Variants in FAF1 observed in about 807,000 individuals in gnomAD.
The protein encoded by FAF1 is Fas associated factor 1, also known as FAS-associated factor 1.
FAF1 carries 25 observed loss-of-function variants against 92.5 expected under a neutral mutation model. That is an observed-to-expected ratio of 0.27 (90% confidence interval 0.20 to 0.38). The LOEUF is 0.38. Among genes scored for constraint, FAF1 ranks in the 10% least tolerant of loss-of-function variants. FAF1 has a pLI of 1.00. For synonymous variants in FAF1, 234 were observed against 273.2 expected (o/e 0.86, Z 1.42); for missense variants, 636 against 793.3 (o/e 0.80, Z 2.38).
intron 8 of FAF1, among the ~76,000 whole-genome samples, chr1:50,628,223 T>C (rs1357350562): frequency 6.6e-6 from 1 of 152,198 alleles, no homozygotes; most frequent in Non-Finnish European, 1.5e-5. Context: ...TAGATATTAT[T>C]GATAACATAT....
Position 50,960,203 on chromosome 1 carries a change from G to A in FAF1, c.-392C>T, listed in dbSNP as rs555748926. The A allele has an allele frequency of 3.5e-4, 113 of 324,956 alleles. No homozygotes were observed. The highest frequency in any genetic ancestry group is 2.2e-3 in the African/African-American group (101 of 45,790). The allele number at this position is 324,956 out of a possible 1,614,324, so 20.1% of individuals were successfully genotyped here. On this transcript the variant is annotated 5_prime_UTR_variant, in exon 1 of 19. Coordinates refer to ENST00000396153, the MANE Select transcript of FAF1 (RefSeq NM_007051.3). ...GGGAAACCGAGCGAGCGAGCGGGCG[G>A]GCGAACGCCGCGGCCGCCTCCGCCT...
chr1:50,895,123 A>T (rs1002094983), intron 1 of FAF1, among the ~76,000 whole-genome samples: 1 of 152,156 alleles, frequency 6.6e-6, no homozygotes, highest in Non-Finnish European at 1.5e-5. Context: ...AAAAAAATTG[A>T]CAAATCTTTA....
intron 15 of FAF1, among the ~76,000 whole-genome samples, chr1:50,504,867 G>A (rs1409119736): frequency 6.6e-6 from 1 of 152,134 alleles, no homozygotes; most frequent in African/African-American, 2.4e-5. Flanking sequence ...AAGCAGTATT[G>A]AAATCAATTT....
At chr1:50,620,657 ATTCT>A (rs1475822844) in intron 8 of FAF1, among the ~76,000 whole-genome samples, 2 of 152,176 alleles carry the variant, frequency 1.3e-5, no homozygotes, top group Non-Finnish European at 2.9e-5. Flanking sequence ...TCTTGTGTTG[ATTCT>A]TTATGTGTGG....
chr1:50,614,671 CT>C (rs1652826450), intron 8 of FAF1, among the ~76,000 whole-genome samples: 3 of 152,060 alleles, frequency 2.0e-5, no homozygotes, highest in Admixed American at 2.0e-4. Context: ...GAAACCCCAT[CT>C]CTACTAAAAA....
chr1:50,459,068 C>A (rs1292516672), intron 18 of FAF1, among the ~76,000 whole-genome samples: 2 of 151,870 alleles, frequency 1.3e-5, no homozygotes, highest in African/African-American at 4.8e-5. Flanking sequence ...ACCTTCCAGG[C>A]TCAAGTGTTC....
At chr1:50,743,290 C>G (rs1408876754) in intron 5 of FAF1, among the ~76,000 whole-genome samples, 2 of 152,128 alleles carry the variant, frequency 1.3e-5, no homozygotes, top group African/African-American at 4.8e-5. Flanking sequence ...CGAAGAAGAA[C>G]TGAACCAAAA....
rs1284803545 is a variant in FAF1, at chr1:50,539,694, C to G, written c.1303G>C (p.Val435Leu). ...LTMCNRHFGS[V>L]VAQTIRTQKT... is the part of the protein sequence containing the mutation. ...TGAGTCCGAATGGTTTGTGCCACAA[C>G]ACTGCCAAAGTGTCTATTGCACATA... The change falls in exon 14 of 19, where the codon GTT (valine) becomes CTT (leucine). Residue 435 changes from valine (V) to leucine (L), a missense_variant. By Grantham distance (32) the Val-to-Leu change is conservative (BLOSUM62 1). Transcript: ENST00000396153. The G allele has an allele frequency of 1.2e-6, 2 of 1,612,508 alleles. No individual in the cohort carries two copies. Among genetic ancestry groups the G allele is most frequent in the African/African-American group, 2.7e-5 (2 of 74,900 alleles).
intron 18 of FAF1, among the ~76,000 whole-genome samples, chr1:50,467,456 G>A (rs1460222291): frequency 6.6e-6 from 1 of 152,122 alleles, no homozygotes; most frequent in Non-Finnish European, 1.5e-5. Flanking sequence ...TGGGACCACA[G>A]GCATGTGCCA....
chr1:50,788,306 A>G (rs899737284), intron 3 of FAF1, 101 bp from the exon 4 acceptor site: 4 of 976,216 alleles, frequency 4.1e-6, no homozygotes, highest in Non-Finnish European at 6.3e-6. Context: ...CTTCCTATCA[A>G]GTAAGTTTAC....
chr1:50,612,816 G>A (rs1264931818), intron 8 of FAF1, among the ~76,000 whole-genome samples: 3 of 152,214 alleles, frequency 2.0e-5, no homozygotes, highest in Non-Finnish European at 4.4e-5. Flanking sequence ...CACCTTGCCA[G>A]TTAATCCTTG....
chr1:50,746,589 A>G (rs981932670), intron 4 of FAF1, among the ~76,000 whole-genome samples: 6 of 151,962 alleles, frequency 3.9e-5, no homozygotes, highest in African/African-American at 9.7e-5. Flanking sequence ...GGCATGAGCC[A>G]CCGAGCCCGG....
In FAF1 at chr1:50,535,382, T is replaced by A; in HGVS notation, c.1481A>T (p.Asp494Val). The stretch of plus-strand genomic sequence containing the variant: ...GCATAACCTTACCTCGTCCTTTATA[T>A]CTTCCTGTTGTTGGGCTGTGAAGAT... ...MEIFTAQQQE[D>V]IKDEDEREAR... is the part of the protein sequence containing the mutation. Residue 494 changes from aspartate to valine, a missense_variant, in exon 15 of 19, where the codon GAT becomes GTT. By Grantham distance (152) the Asp-to-Val change is radical (BLOSUM62 -3). Around this residue, in one of 2 missense-constraint regions of FAF1, gnomAD observed 319 missense variants for 451.0 expected, o/e 0.71. Transcript: ENST00000396153. 1.2e-6 allele frequency: 2 copies of A among 1,608,940 alleles called. No homozygotes were observed. Among genetic ancestry groups the A allele is most frequent in the Non-Finnish European group, 1.7e-6 (2 of 1,175,752 alleles).
intron 1 of FAF1, among the ~76,000 whole-genome samples, chr1:50,863,277 A>G (rs1644450900): frequency 6.6e-6 from 1 of 151,996 alleles, no homozygotes; most frequent in South Asian, 2.1e-4. Flanking sequence ...TGGGTCAACA[A>G]TGAAATCAAA....
intron 8 of FAF1, among the ~76,000 whole-genome samples, chr1:50,645,098 A>C (rs553322375): frequency 6.6e-6 from 1 of 152,148 alleles, no homozygotes; most frequent in African/African-American, 2.4e-5. Flanking sequence ...TATTTGCAAA[A>C]GACTCTATAT....
rs534876521 is a variant in FAF1 at position 50,712,549 on chromosome 1, G to A, written c.552-6658C>T. Among the ~76,000 whole-genome samples the A allele has an allele frequency of 2.6e-5, 4 of 152,178 alleles. No individual in the cohort carries two copies. In the South Asian group the frequency reaches 6.2e-4, roughly 24 times the overall value. ...CACACGCCTCTAATCCCAGCTACTC[G>A]GGAGGCTGAGGTATGAGAATTGCTT... is the stretch of plus-strand genomic sequence containing the variant. On this transcript the variant is annotated intron_variant, in intron 6 of 18. Transcript: ENST00000396153.
chr1:50,833,233 T>C (rs1210563880), intron 2 of FAF1, among the ~76,000 whole-genome samples: 2 of 152,166 alleles, frequency 1.3e-5, no homozygotes, highest in Non-Finnish European at 2.9e-5. Context: ...GCAGTCCATC[T>C]TGGCTACAAA....
intron 1 of FAF1, among the ~76,000 whole-genome samples, chr1:50,900,092 A>C (rs1465713092): frequency 6.6e-6 from 1 of 152,166 alleles, no homozygotes; most frequent in Middle Eastern, 3.2e-3. Flanking sequence ...AAAAAATTTT[A>C]ATCATCTGAG....
At chr1:50,655,229 C>G (rs1200439002) in intron 8 of FAF1, among the ~76,000 whole-genome samples, 1 of 152,112 alleles carries the variant, frequency 6.6e-6, no homozygotes, top group East Asian at 1.9e-4. Context: ...ACCATGTTGG[C>G]CAGGTTGGTC....
Sources: gnomAD v4.1 joint callset for allele counts (sites outside exome capture counted in the v4.1 genomes callset) on GRCh38, gnomAD v4.1.1 for gene constraint, gnomAD v4.1.1 regional missense constraint, MANE v1.5 for transcripts, NCBI Gene and HGNC (gene_info 2026-07-23, HGNC 2026-07-21) for gene names.